SDF4: variants seen among roughly 807,000 people sequenced by gnomAD.
SDF4 encodes the protein 45 kDa calcium-binding protein.
SDF4 carries 22 observed loss-of-function variants against 34.2 expected under a neutral mutation model. The ratio of observed to expected loss-of-function variants is 0.64; its 90% CI spans 0.46 to 0.92. The LOEUF (loss-of-function observed/expected upper bound fraction) is 0.92. SDF4 is among the 40% of genes least tolerant of loss of function. The probability of loss-of-function intolerance (pLI) is 0.00; values close to 1 mark genes in which losing one functional copy is unlikely to be tolerated. For synonymous variants in SDF4, 236 were observed against 203.1 expected, an observed-to-expected ratio of 1.16 and a Z score of -1.38; for missense variants, 447 against 499.9, an observed-to-expected ratio of 0.89 and a Z score of 1.01.
In SDF4 at chr1:1,217,354, G is replaced by T; in HGVS notation, c.*158C>A. ...AAGCCCCGCCGGGGTGCGCGCTGCA[G>T]AGGGGACACGCCGCTCATCAACTGG... is the stretch of plus-strand genomic sequence containing the variant. On this transcript the variant is annotated 3_prime_UTR_variant, in exon 7 of 7. Coordinates refer to ENST00000360001, the MANE Select transcript of SDF4 (RefSeq NM_016176.6). This position sits in a 1 kb window ranked among gnomAD's most constrained non-coding sequence, Gnocchi z 8.5. The T allele has an allele frequency of 2.0e-6, 1 of 505,906 alleles. No homozygotes were observed. The highest frequency in any genetic ancestry group is 2.9e-6 in the Non-Finnish European group (1 of 341,960). 31.3% of individuals were successfully genotyped at this position (505,906 alleles called of 1,614,324 possible). A position where few individuals can be genotyped will look rare whatever the true frequency, so the allele number is the denominator to read the frequency against.
intron 2 of SDF4, among the ~76,000 whole-genome samples, chr1:1,225,010 G>T (rs1366170006): frequency 6.6e-6 from 1 of 152,342 alleles, no homozygotes; most frequent in South Asian, 2.1e-4. Flanking sequence ...GGATGGAAGA[G>T]ACCACAGACT....
intron 1 of SDF4, among the ~76,000 whole-genome samples, chr1:1,229,801 C>CT (rs1286300484): frequency 2.0e-5 from 3 of 152,226 alleles, no homozygotes; most frequent in Non-Finnish European, 4.4e-5. Context: ...CCCCTCTCCC[C>CT]CCGACTGACC....
chr1:1,219,610 G>A, intron 4 of SDF4: 3 of 987,324 alleles, frequency 3.0e-6, no homozygotes, highest in Non-Finnish European at 3.6e-6. Context: ...CCGGGACACG[G>A]CACTGCCTCT....
At chr1:1,219,565 TG>T in intron 4 of SDF4, 1 of 989,344 alleles carries the variant, frequency 1.0e-6, no homozygotes, top group Non-Finnish European at 1.2e-6. Flanking sequence ...TGACTGAGAC[TG>T]GGGCTGAGCA....
intron 2 of SDF4, among the ~76,000 whole-genome samples, chr1:1,226,334 AC>A (rs879775314): frequency 0.11 from 17,242 of 151,810 alleles, 1,132 homozygotes; most frequent in East Asian, 0.17. Flanking sequence ...GAAACCCTCA[AC>A]CCTGTACGGT....
chr1:1,228,581 C>A lies in SDF4; in HGVS notation c.192G>T (p.Gly64=). ...CCTGGTGGAAGCCGCGATTGAGGTG[C>A]CCGTCCATCTCCAGCTTCACCCCGT... ...HLNGVKLEMD[G]HLNRGFHQEV... Residue 64 remains glycine (G), a synonymous_variant, in exon 2 of 7, where the codon GGG becomes GGT. Transcript: ENST00000360001. 6.2e-7 allele frequency: 1 copy of A among 1,613,192 alleles called. No individual in the cohort carries two copies. Among genetic ancestry groups the A allele is most frequent in the Non-Finnish European group, 8.5e-7 (1 of 1,180,020 alleles).
At position 1,217,467 on chromosome 1, in the gene SDF4, C is replaced by T. The variant is rs1240203179; in HGVS notation, c.*45G>A. 15 of 1,396,862 alleles carry T rather than the reference C, an allele frequency of 1.1e-5. No homozygotes were observed. The East Asian group carries it at 1.2e-4, about 11-fold the overall frequency. The allele number at this position is 1,396,862 out of a possible 1,614,324, so 86.5% of individuals were successfully genotyped here. A position where few individuals can be genotyped will look rare whatever the true frequency, so the allele number is the denominator to read the frequency against. On this transcript the variant is annotated 3_prime_UTR_variant, in exon 7 of 7. Transcript: ENST00000360001. The surrounding 1 kb of genome is among the most constrained non-coding windows in gnomAD (Gnocchi z 8.5). Reference sequence around the variant, plus strand: ...CGGAGCCCGGAGTCACCCGCGAGGCCGCCCCGGTGGTGCGTGGGGGGCGGC... The same window carrying T: ...CGGAGCCCGGAGTCACCCGCGAGGCTGCCCCGGTGGTGCGTGGGGGGCGGC...
In SDF4 at chr1:1,223,965, C is replaced by T; in HGVS notation, c.309G>A (p.Val103=). ...RRKLMVIFSK[V]DVNTDRKISA... ...TGATCTTCCGGTCAGTGTTCACATCCACCCTGCAAGACAGCAAATGGGCAG... is the reference window on the plus strand; with the variant it reads ...TGATCTTCCGGTCAGTGTTCACATCTACCCTGCAAGACAGCAAATGGGCAG... Residue 103 remains valine (V), a synonymous_variant, in exon 3 of 7, where the codon GTG becomes GTA. Coordinates refer to ENST00000360001, the MANE Select transcript of SDF4 (RefSeq NM_016176.6). The T allele has an allele frequency of 1.2e-6, 2 of 1,610,604 alleles. No individual in the cohort carries two copies. Among genetic ancestry groups the T allele is most frequent in the Non-Finnish European group, 1.7e-6 (2 of 1,179,858 alleles).
intron 2 of SDF4, among the ~76,000 whole-genome samples, chr1:1,225,290 C>G (rs1490328616): frequency 6.6e-6 from 1 of 152,232 alleles, no homozygotes; most frequent in Non-Finnish European, 1.5e-5. Flanking sequence ...TTGCCGGAGG[C>G]ATCCCCGAGA....
At chr1:1,225,875 C>T (rs549433216) in intron 2 of SDF4, among the ~76,000 whole-genome samples, 17 of 152,224 alleles carry the variant, frequency 1.1e-4, no homozygotes, top group Non-Finnish European at 2.2e-4. Flanking sequence ...GTCAAGATGT[C>T]GGCAAGGAGT....
Position 1,218,530 on chromosome 1 carries a change from T to C in SDF4, c.819A>G (p.Lys273=). 1 of 1,614,038 alleles carries C rather than the reference T, an allele frequency of 6.2e-7. No homozygotes were observed. The highest frequency in any genetic ancestry group is 8.5e-7 in the Non-Finnish European group (1 of 1,179,938). ...QGQDIDDNWV[K]DRKKEFEELI... ...GCTCCTCAAACTCCTTTTTTCTGTC[T>C]TTCACCCAGTTGTCGTCAATGTCCT... The change falls in exon 6 of 7, where the codon AAA becomes AAG. Residue 273 remains lysine (K), a synonymous_variant. Transcript: ENST00000360001. The surrounding 1 kb of genome is among the most constrained non-coding windows in gnomAD (Gnocchi z 7.9).
rs745351256 is a variant in SDF4, at chr1:1,217,715, C to T, written c.892-27G>A. The T allele has an allele frequency of 2.7e-5, 43 of 1,612,506 alleles. No homozygotes were observed. Among genetic ancestry groups the T allele is most frequent in the Non-Finnish European group, 3.5e-5 (41 of 1,179,578 alleles). On this transcript the variant is annotated intron_variant, in intron 6 of 6. Coordinates refer to ENST00000360001, the MANE Select transcript of SDF4 (RefSeq NM_016176.6). The surrounding 1 kb of genome is among the most constrained non-coding windows in gnomAD (Gnocchi z 8.5). ...TGCGGGCGAGCGGGGCACAGGTCAG[C>T]GTCGCCTTTCCCCCTCCGAGCTCCG...
chr1:1,231,537 G>C (rs1426679098), intron 1 of SDF4, among the ~76,000 whole-genome samples: 1 of 152,258 alleles, frequency 6.6e-6, no homozygotes. Context: ...GTTCAGAAGC[G>C]GAAGCGCAGG....
In SDF4 at chr1:1,230,314, G is replaced by A. The variant is rs573149546; in HGVS notation, c.-174-1368C>T. ...AATGCTACCCTGGGTAATATTAAACGAAAAAATGCTGCCTCCAGGTATCGA... is the reference window on the plus strand; with the variant it reads ...AATGCTACCCTGGGTAATATTAAACAAAAAAATGCTGCCTCCAGGTATCGA... On this transcript the variant is annotated intron_variant, in intron 1 of 6. Coordinates refer to ENST00000360001, the MANE Select transcript of SDF4 (RefSeq NM_016176.6). 4.6e-5 allele frequency among the ~76,000 whole-genome samples: 7 copies of A among 152,172 alleles called. No individual in the cohort carries two copies. The South Asian group carries it at 1.0e-3, about 23-fold the overall frequency.
Position 1,228,494 on chromosome 1 carries a change from C to A in SDF4, c.279G>T (p.Arg93=), listed in dbSNP as rs1557521954. ...TGGAAAAGATGACCATCAGCTTCCTCCGGCTCCGCCGCGGCTCCGCGTCCT... is the reference window on the plus strand; with the variant it reads ...TGGAAAAGATGACCATCAGCTTCCTACGGCTCCGCCGCGGCTCCGCGTCCT... ...FDEDAEPRRS[R]RKLMVIFSKV... The change falls in exon 2 of 7, where the codon CGG becomes CGT. Residue 93 remains arginine (R), a synonymous_variant. Transcript: ENST00000360001. 6.2e-7 allele frequency: 1 copy of A among 1,608,630 alleles called. No individual in the cohort carries two copies.
rs939313584 is a variant in SDF4, at chr1:1,228,896, G to A, written c.-124C>T. 3.4e-6 allele frequency: 3 copies of A among 891,062 alleles called. No homozygotes were observed. Among genetic ancestry groups the A allele is most frequent in the Admixed American group, 2.5e-5 (1 of 39,644 alleles). The allele number at this position is 891,062 out of a possible 1,614,324, so 55.2% of individuals were successfully genotyped here. A position where few individuals can be genotyped will look rare whatever the true frequency, so the allele number is the denominator to read the frequency against. ...CAATCCAATCCCCGGGCACCACGGA[G>A]GGCTCTGTGTCCCCAGGACGGCCGC... On this transcript the variant is annotated 5_prime_UTR_variant, in exon 2 of 7. Transcript: ENST00000360001.
chr1:1,228,391 C>G (rs1638378296), intron 2 of SDF4, 77 bp downstream of exon 2: 2 of 1,444,688 alleles, frequency 1.4e-6, no homozygotes, highest in East Asian at 2.5e-5. Flanking sequence ...CGCCCCCCAC[C>G]GCGCAAAGCC....
At position 1,217,786 on chromosome 1, in the gene SDF4, G is replaced by A. The variant is rs760992617; in HGVS notation, c.892-98C>T. ...CTATTTAAGGTGCCTATTGGCTGCA[G>A]CGGGAGTGTGGGCACGTTCTGGAAG... On this transcript the variant is annotated intron_variant, in intron 6 of 6. Transcript: ENST00000360001. The surrounding 1 kb of genome is among the most constrained non-coding windows in gnomAD (Gnocchi z 8.5). 3.1e-6 allele frequency: 5 copies of A among 1,591,856 alleles called. No individual in the cohort carries two copies. Among genetic ancestry groups the A allele is most frequent in the Non-Finnish European group, 4.3e-6 (5 of 1,170,584 alleles).
Position 1,222,305 on chromosome 1 carries a change from G to A in SDF4, c.556+939C>T, listed in dbSNP as rs368391845. On this transcript the variant is annotated intron_variant, in intron 4 of 6. Coordinates refer to ENST00000360001, the MANE Select transcript of SDF4 (RefSeq NM_016176.6). ...GGCCAGCAGGGGCTTCTGCCTGGAC[G>A]GCTCTCCCAGACCTGGCCCCGTGCA... Among the ~76,000 whole-genome samples, 240 of 152,342 alleles carry A rather than the reference G, an allele frequency of 1.6e-3. 1 individual carries two copies. Among genetic ancestry groups the A allele is most frequent in the Non-Finnish European group, 2.7e-3 (185 of 68,012 alleles).
Sources: allele counts gnomAD v4.1 joint callset (sites outside exome capture counted in the v4.1 genomes callset), GRCh38; gene constraint gnomAD v4.1.1; non-coding constraint Gnocchi (gnomAD v3.1); transcripts MANE v1.5; gene names NCBI Gene and HGNC (gene_info 2026-07-23, HGNC 2026-07-21).